Variants in LPXN observed in about 807,000 individuals in gnomAD.
LPXN encodes the protein leupaxin.
Under a neutral mutation model 45.6 loss-of-function variants are expected in LPXN, and 28 were observed. That is an observed-to-expected ratio of 0.61 (90% CI 0.45 to 0.84). LPXN has a LOEUF of 0.84. Ranked by LOEUF, LPXN falls within the 40% of genes least tolerant of loss-of-function variation. LPXN has a pLI of 0.00. For missense variants in LPXN, 459 were observed against 475.0 expected, an observed-to-expected ratio of 0.97 and a Z score of 0.31; for synonymous variants, 166 against 169.9, an observed-to-expected ratio of 0.98 and a Z score of 0.18.
chr11:58,559,163 T>C (rs1006236958), intron 3 of LPXN, among the ~76,000 whole-genome samples: 26 of 152,106 alleles, frequency 1.7e-4, no homozygotes, highest in Non-Finnish European at 1.5e-5. Flanking sequence ...ACCTATTAGT[T>C]GAAATTTTAA....
intron 7 of LPXN, among the ~76,000 whole-genome samples, chr11:58,545,360 T>C (rs959577839): frequency 2.0e-5 from 3 of 152,204 alleles, no homozygotes; most frequent in Non-Finnish European, 4.4e-5. Context: ...CCTGTTGTTC[T>C]GCTTTCAGGC....
intron 7 of LPXN, among the ~76,000 whole-genome samples, chr11:58,549,206 C>A (rs1028909260): frequency 2.0e-5 from 3 of 152,142 alleles, no homozygotes; most frequent in African/African-American, 7.2e-5. Flanking sequence ...CCAGCCTGGC[C>A]AATATGGTGA....
chr11:58,549,937 TGA>T (rs1390922177), intron 6 of LPXN, 34 bp downstream of exon 6: 2 of 1,613,710 alleles, frequency 1.2e-6, no homozygotes, highest in Admixed American at 3.3e-5. Context: ...TCTAAGTGAG[TGA>T]CTGAAAGCTG....
In LPXN at chr11:58,549,769, C is replaced by CT. The variant is rs765696047; in HGVS notation, c.742+16dup. The CT allele has an allele frequency of 3.1e-6, 5 of 1,613,142 alleles. No individual in the cohort carries two copies. The highest frequency in any genetic ancestry group is 4.2e-6 in the Non-Finnish European group (5 of 1,179,432). The stretch of plus-strand genomic sequence containing the variant: ...CCCACTGGGGTGTGGGATACAGCCT[C>CT]TCAAGTCGGGTCATACCTTCTGCAC... On this transcript the variant is annotated intron_variant, in intron 7 of 8. Transcript: ENST00000395074.
intron 7 of LPXN, among the ~76,000 whole-genome samples, chr11:58,531,855 A>C (rs1233011798): frequency 6.6e-6 from 1 of 152,238 alleles, no homozygotes; most frequent in East Asian, 1.9e-4. Context: ...GCCACGCTTG[A>C]GGAGCCCTTC....
chr11:58,530,238 C>T (rs1853347123), intron 7 of LPXN, among the ~76,000 whole-genome samples: 1 of 152,176 alleles, frequency 6.6e-6, no homozygotes, highest in Admixed American at 6.5e-5. Flanking sequence ...AGCCAGGGAG[C>T]CAAGTGGCCT....
chr11:58,564,278 C>G, intron 2 of LPXN, 77 bp from the exon 3 acceptor site: 1 of 893,716 alleles, frequency 1.1e-6, no homozygotes, highest in South Asian at 1.4e-5. Context: ...ATGATACCCA[C>G]AGTTAATAGA....
At chr11:58,553,839 G>A (rs1168886827) in intron 4 of LPXN, 3 of 151,976 alleles carry the variant, frequency 2.0e-5, no homozygotes, top group African/African-American at 7.3e-5. Flanking sequence ...TTCCATGCCC[G>A]ACTATGTGAG....
intron 3 of LPXN, among the ~76,000 whole-genome samples, chr11:58,557,392 A>G (rs1180102642): frequency 6.6e-6 from 1 of 152,202 alleles, no homozygotes; most frequent in Non-Finnish European, 1.5e-5. Flanking sequence ...TAAAAAAAGG[A>G]GATTCTGCTA....
rs763418056 is a variant in LPXN at position 58,549,991 on chromosome 11, G to A, written c.642C>T (p.Cys214=). The change falls in exon 6 of 9, where the codon TGC becomes TGT. Residue 214 remains cysteine (C), a synonymous_variant. Coordinates refer to ENST00000395074, the MANE Select transcript of LPXN (RefSeq NM_004811.3). ...TACTTACATCCAGGATGGGAGCAGC[G>A]CAGTAAGCACAGCGTGGAGAAAAAA... The part of the protein sequence containing the change: ...HQLFSPRCAY[C]AAPILDKVLT... The A allele has an allele frequency of 2.0e-5, 33 of 1,614,096 alleles. No homozygotes were observed. The highest frequency in any genetic ancestry group is 1.3e-4 in the East Asian group (6 of 44,902).
chr11:58,578,863 G>A (rs921772333), upstream of LPXN, among the ~76,000 whole-genome samples: 3 of 151,824 alleles, frequency 2.0e-5, no homozygotes, highest in African/African-American at 7.3e-5. Context: ...AGGTCACTTT[G>A]GGATTGTCGC....
chr11:58,577,879 C>A, upstream of LPXN: 1 of 1,023,390 alleles, frequency 9.8e-7, no homozygotes, highest in Non-Finnish European at 1.4e-6. Flanking sequence ...AGAAAAGCAA[C>A]TTTATAATTC....
At chr11:58,578,512 G>A (rs1341501272), upstream of LPXN, among the ~76,000 whole-genome samples, 2 of 152,108 alleles carry the variant, frequency 1.3e-5, no homozygotes, top group Non-Finnish European at 2.9e-5. Context: ...ACTTTCATCC[G>A]GCAACCGACG....
At chr11:58,569,520 C>T (rs985299007) in intron 2 of LPXN, among the ~76,000 whole-genome samples, 3 of 151,982 alleles carry the variant, frequency 2.0e-5, no homozygotes, top group South Asian at 2.1e-4. Flanking sequence ...ACCTGAGTGG[C>T]GGGGACCATA....
chr11:58,550,233 C>T, intron 5 of LPXN, 87 bp from the exon 6 acceptor site: 2 of 1,238,046 alleles, frequency 1.6e-6, no homozygotes, highest in Non-Finnish European at 2.4e-6. Context: ...GCACTCTTCA[C>T]ATTGTACCCC....
intron 7 of LPXN, among the ~76,000 whole-genome samples, chr11:58,534,778 C>T (rs7128785): frequency 0.4 from 60,499 of 151,628 alleles, 12,171 homozygotes; most frequent in Middle Eastern, 0.53. Context: ...CTACTAGCCA[C>T]ACTAATAAAG....
chr11:58,561,407 G>T (rs554648639), intron 3 of LPXN, among the ~76,000 whole-genome samples: 1 of 152,066 alleles, frequency 6.6e-6, no homozygotes, highest in Admixed American at 6.6e-5. Context: ...TAAGATAAAA[G>T]ATTTATCTTT....
At chr11:58,575,406 A>C (rs368923494) in intron 1 of LPXN, among the ~76,000 whole-genome samples, 24 of 152,038 alleles carry the variant, frequency 1.6e-4, no homozygotes, top group Admixed American at 1.6e-3. Context: ...ATATCTCTGC[A>C]TTGTCTCGCT....
intron 7 of LPXN, among the ~76,000 whole-genome samples, chr11:58,531,053 A>C (rs921459951): frequency 2.0e-5 from 3 of 152,198 alleles, no homozygotes; most frequent in Admixed American, 1.3e-4. Context: ...TCTGAAGGTC[A>C]CCAACTTCAA....
Sources: gnomAD v4.1 joint callset for allele counts (sites outside exome capture counted in the v4.1 genomes callset) on GRCh38, gnomAD v4.1.1 for gene constraint, MANE v1.5 for transcripts, NCBI Gene and HGNC (gene_info 2026-07-23, HGNC 2026-07-21) for gene names.